The following CGN variants were observed in gnomAD, a reference collection of about 807,000 sequenced individuals.
CGN encodes cingulin.
A neutral mutation model predicts 157.1 loss-of-function variants in CGN; 121 were observed. The ratio of observed to expected loss-of-function variants is 0.77; its 90% CI spans 0.66 to 0.90. The LOEUF (loss-of-function observed/expected upper bound fraction) is 0.90. CGN is among the 40% of genes least tolerant of loss of function. The pLI is 0.00. For synonymous variants in CGN, 535 were observed against 607.5 expected, an observed-to-expected ratio of 0.88 and a Z score of 1.76; for missense variants, 1,424 against 1,520.9, an observed-to-expected ratio of 0.94 and a Z score of 1.06.
intron 1 of CGN, among the ~76,000 whole-genome samples, chr1:151,513,750 T>C (rs1194127164): frequency 6.6e-6 from 1 of 152,216 alleles, no homozygotes; most frequent in Non-Finnish European, 1.5e-5. Context: ...GGCAGGCTAA[T>C]GAGTAACTCA....
rs142903144 is a variant in CGN, at chr1:151,518,842, T to G, written c.323T>G (p.Val108Gly). The G allele has an allele frequency of 5.4e-4, 871 of 1,613,922 alleles. 2 individuals carry two copies. In the African/African-American group the frequency reaches 9.7e-3, roughly 18 times the overall value. The change falls in exon 2 of 21, where the codon GTC becomes GGC. Residue 108 changes from valine (V) to glycine (G), a missense_variant. By Grantham distance (109) the Val-to-Gly change is moderately radical (BLOSUM62 -3). Coordinates refer to ENST00000271636, the MANE Select transcript of CGN (RefSeq NM_020770.3). ...CTCCCTGAGAACCCCTACTCTCAGGTCAAGGGATTTCCTGCCCCCTCGCAG... is the reference window on the plus strand; with the variant it reads ...CTCCCTGAGAACCCCTACTCTCAGGGCAAGGGATTTCCTGCCCCCTCGCAG... Reference protein sequence around the residue: ...LELPENPYSQVKGFPAPSQSS... With the variant: ...LELPENPYSQGKGFPAPSQSS...
chr1:151,528,117 G>A (rs1046885769), intron 10 of CGN, among the ~76,000 whole-genome samples: 5 of 150,492 alleles, frequency 3.3e-5, no homozygotes, highest in East Asian at 3.9e-4. Context: ...CACCACGCCC[G>A]GCTAATTTTT....
Position 151,520,228 on chromosome 1 carries a change from C to A in CGN, c.936C>A (p.Asp312Glu). Residue 312 changes from aspartate to glutamate, a missense_variant, in exon 3 of 21, where the codon GAC becomes GAA. This residue lies in a region of CGN where 1,187 missense variants were observed against 1,217.6 expected (regional missense o/e 0.97). Transcript: ENST00000271636. Reference protein sequence around the residue: ...QQEAAPPGSVDHMKATIYGIL... With the variant: ...QQEAAPPGSVEHMKATIYGIL... The stretch of plus-strand genomic sequence containing the variant: ...AGGCAGCCCCACCAGGCAGTGTGGA[C>A]CATATGAAGGCCACCATCTATGGCA... 1 of 1,613,850 alleles carries A rather than the reference C, an allele frequency of 6.2e-7. No individual in the cohort carries two copies. The highest frequency in any genetic ancestry group is 8.5e-7 in the Non-Finnish European group (1 of 1,179,976).
At position 151,524,117 on chromosome 1, in the gene CGN, A is replaced by G; in HGVS notation, c.1269-109A>G. On this transcript the variant is annotated intron_variant, in intron 6 of 20. Transcript: ENST00000271636. The surrounding 1 kb of genome is among the most constrained non-coding windows in gnomAD (Gnocchi z 4.4). ...GCAAAAATCAGGGGAGGCCTCATCA[A>G]GATTTGAAGGAAGGAAGTTTAAATG... 9.0e-7 allele frequency: 1 copy of G among 1,112,128 alleles called. No individual in the cohort carries two copies. The highest frequency in any genetic ancestry group is 1.6e-5 in the South Asian group (1 of 62,638). 68.9% of individuals were successfully genotyped at this position (1,112,128 alleles called of 1,614,324 possible).
chr1:151,534,365 C>T (rs1260367514), intron 15 of CGN: 1 of 522,922 alleles, frequency 1.9e-6, no homozygotes, highest in East Asian at 3.6e-5. Context: ...AGTGTCTTGT[C>T]CTGAGTCTGC....
In CGN at chr1:151,528,218, A is replaced by AC. The variant is rs542481667; in HGVS notation, c.1896+1113dup. ...TAACCAGGTTGGTCTTGATCTCCTGACCTTGTGATCCGCCCTCCTTGGCCT... is the reference window on the plus strand; with the variant it reads ...TAACCAGGTTGGTCTTGATCTCCTGACCCTTGTGATCCGCCCTCCTTGGCCT... On this transcript the variant is annotated intron_variant, in intron 10 of 20. Transcript: ENST00000271636. 3.2e-4 allele frequency among the ~76,000 whole-genome samples: 49 copies of AC among 151,806 alleles called. No homozygotes were observed. The East Asian group carries it at 9.1e-3, about 28-fold the overall frequency.
Position 151,535,063 on chromosome 1 carries a change from A to G in CGN, c.2926A>G (p.Thr976Ala). ...CTAGGAAAAAGTCTCACGGCTGGAA[A>G]CAGAGTTAGATGAGGAGAAGAACAC... is the stretch of plus-strand genomic sequence containing the variant. ...GLEEKVSRLE[T>A]ELDEEKNTVE... is the part of the protein sequence containing the mutation. The change falls in exon 16 of 21, where the codon ACA becomes GCA. Residue 976 changes from threonine (T) to alanine (A), a missense_variant. Around this residue, in one of 3 missense-constraint regions of CGN, gnomAD observed 199 missense variants for 272.2 expected, o/e 0.73. Coordinates refer to ENST00000271636, the MANE Select transcript of CGN (RefSeq NM_020770.3). The G allele has an allele frequency of 6.2e-7, 1 of 1,614,112 alleles. No homozygotes were observed. Among genetic ancestry groups the G allele is most frequent in the Non-Finnish European group, 8.5e-7 (1 of 1,179,980 alleles).
chr1:151,536,366 A>T, intron 19 of CGN, 21 bp downstream of exon 19: 2 of 1,380,886 alleles, frequency 1.4e-6, no homozygotes, highest in Middle Eastern at 1.9e-4. Context: ...GGCACCCTGG[A>T]GCCAAGCAAC....
intron 1 of CGN, among the ~76,000 whole-genome samples, chr1:151,514,012 G>C (rs1002103311): frequency 2.3e-4 from 35 of 152,174 alleles, no homozygotes; most frequent in Non-Finnish European, 4.6e-4. Context: ...TGGGGCTTAC[G>C]CAAGGCCTCA....
intron 18 of CGN, 35 bp from the exon 19 acceptor site, chr1:151,536,202 G>C (rs1156492779): frequency 7.6e-7 from 1 of 1,312,978 alleles, no homozygotes; most frequent in South Asian, 1.2e-5. Context: ...CTTAGAAATG[G>C]GGACACTCAT....
chr1:151,536,113 T>C, intron 18 of CGN, 124 bp from the exon 19 acceptor site: 1 of 759,004 alleles, frequency 1.3e-6, no homozygotes, highest in Non-Finnish European at 2.3e-6. Context: ...GAATCTGCCC[T>C]GGATCCTGCC....
At chr1:151,518,392 T>C (rs1664456773) in intron 1 of CGN, 114 bp from the exon 2 acceptor site, 2 of 873,176 alleles carry the variant, frequency 2.3e-6, no homozygotes, top group Non-Finnish European at 1.7e-6. Context: ...CTTCTGTTAG[T>C]CTGAGAATCA....
chr1:151,535,001 G>T (rs749706792), intron 15 of CGN, 41 bp from the exon 16 acceptor site: 5 of 1,452,392 alleles, frequency 3.4e-6, no homozygotes, highest in Non-Finnish European at 4.8e-6. Flanking sequence ...GCATTCTGGT[G>T]TCCAGCATTT....
Position 151,525,731 on chromosome 1 carries a change from A to G in CGN, c.1704A>G (p.Thr568=), listed in dbSNP as rs999942558. Residue 568 remains threonine (T), a synonymous_variant, in exon 9 of 21, where the codon ACA becomes ACG. Coordinates refer to ENST00000271636, the MANE Select transcript of CGN (RefSeq NM_020770.3). ...AGCTGGAGGAGACTTCAGAGGAGAC[A>G]GGGCATTGGCAGAGTATGTTCCAGA... The part of the protein sequence containing the change: ...QRELEETSEE[T]GHWQSMFQKN... The G allele has an allele frequency of 3.1e-6, 5 of 1,611,936 alleles. No individual in the cohort carries two copies. In the African/African-American group the frequency reaches 5.4e-5, roughly 17 times the overall value.
chr1:151,530,114 AG>A lies in CGN; in HGVS notation c.2313+1del, dbSNP rs1467133471. 1.9e-6 allele frequency: 3 copies of A among 1,609,802 alleles called. No individual in the cohort carries two copies. The highest frequency in any genetic ancestry group is 1.7e-5 in the Admixed American group (1 of 59,920). ...CTACGGGACAAGCTGCAGCGGCTGG[AG>A]GTCAGTGGTTCTGCCCTCCCAGCCC... ...ARLRDKLQRLEAEKQQLEEAL... is the reference protein window; with the variant it reads ...ARLRDKLQRLXAEKQQLEEAL... On this transcript the variant is annotated frameshift_variant and splice_region_variant, in exon 12 of 21. Transcript: ENST00000271636. LOFTEE classifies it high-confidence loss of function.
At chr1:151,536,962 C>G in intron 20 of CGN, 69 bp downstream of exon 20, 37 of 1,510,914 alleles carry the variant, frequency 2.4e-5, no homozygotes, top group Non-Finnish European at 3.3e-5. Context: ...CTCTCCTGTG[C>G]TGGATAAGGA....
Position 151,533,922 on chromosome 1 carries a change from C to A in CGN, c.2743-53C>A. 5.2e-6 allele frequency: 8 copies of A among 1,529,180 alleles called. No homozygotes were observed. The South Asian group carries it at 1.0e-4, about 19-fold the overall frequency. The allele number at this position is 1,529,180 out of a possible 1,614,324, so 94.7% of individuals were successfully genotyped here. A position where few individuals can be genotyped will look rare whatever the true frequency, so the allele number is the denominator to read the frequency against. On this transcript the variant is annotated intron_variant, in intron 14 of 20. Coordinates refer to ENST00000271636, the MANE Select transcript of CGN (RefSeq NM_020770.3). ...ACTGGGCTGGACTGCTCCTGCCCCT[C>A]AACCCTCACCTTCTCACTACACTGA...
intron 10 of CGN, among the ~76,000 whole-genome samples, chr1:151,528,179 T>G (rs886572620): frequency 8.1e-5 from 12 of 148,400 alleles, no homozygotes; most frequent in African/African-American, 2.9e-4. Flanking sequence ...CCGTGAAACA[T>G]GGTTTCACCG....
chr1:151,527,211 G>C, intron 10 of CGN, 104 bp downstream of exon 10: 1 of 1,307,438 alleles, frequency 7.6e-7, no homozygotes, highest in Non-Finnish European at 1.1e-6. Flanking sequence ...CTGTGTGCTT[G>C]GTTTCCAGGC....
Sources: allele counts gnomAD v4.1 joint callset (sites outside exome capture counted in the v4.1 genomes callset), GRCh38; gene constraint gnomAD v4.1.1; regional missense constraint gnomAD v4.1.1; non-coding constraint Gnocchi (gnomAD v3.1); transcripts MANE v1.5; gene names NCBI Gene and HGNC (gene_info 2026-07-23, HGNC 2026-07-21).